STIM1: variants seen among roughly 807,000 people sequenced by gnomAD.
The protein encoded by STIM1 is stromal interaction molecule 1.
STIM1 carries 25 observed loss-of-function variants against 74.7 expected under a neutral mutation model. The observed-to-expected ratio is 0.33, with a 90% CI of 0.24 to 0.47. The LOEUF is 0.47. Among genes scored for constraint, STIM1 ranks in the 20% least tolerant of loss-of-function variants. STIM1 has a pLI of 1.00. For synonymous variants in STIM1, 328 were observed against 348.8 expected (o/e 0.94, Z 0.66); for missense variants, 728 against 920.8 (o/e 0.79, Z 2.71).
chr11:3,895,641 T>C (rs1241949446), intron 1 of STIM1, among the ~76,000 whole-genome samples: 1 of 8,258 alleles, frequency 1.2e-4, no homozygotes, highest in East Asian at 5.4e-3. Flanking sequence ...TTTCTTTCTT[T>C]CTTTCTTTCT....
At position 3,892,295 on chromosome 11, in the gene STIM1, G is replaced by C. The variant is rs183703547; in HGVS notation, c.139+35886G>C. On this transcript the variant is annotated intron_variant, in intron 1 of 12. Coordinates refer to ENST00000526596, the MANE Select transcript of STIM1 (RefSeq NM_001382567.1). ...AAGGGAACTGCAGCAAGAGCACAAA[G>C]ATTCAAGGATACTGCGAGCAAATGG... The C allele has an allele frequency of 9.4e-6, 7 of 748,168 alleles. No homozygotes were observed. In the East Asian group the frequency reaches 1.7e-4, roughly 18 times the overall value. The allele number at this position is 748,168 out of a possible 1,614,324, so 46.3% of individuals were successfully genotyped here.
At chr11:3,969,837 G>A (rs889216000) in intron 2 of STIM1, among the ~76,000 whole-genome samples, 4 of 152,182 alleles carry the variant, frequency 2.6e-5, no homozygotes, top group Admixed American at 6.5e-5. Context: ...CAAAGACAAC[G>A]ACCATGATGT....
chr11:4,001,476 C>T (rs984816447), intron 2 of STIM1, among the ~76,000 whole-genome samples: 12 of 152,264 alleles, frequency 7.9e-5, no homozygotes, highest in African/African-American at 2.9e-4. Context: ...ATTTCATATC[C>T]AGCCAAACTA....
intron 1 of STIM1, among the ~76,000 whole-genome samples, chr11:3,915,126 T>C (rs959162427): frequency 6.6e-6 from 1 of 152,186 alleles, no homozygotes; most frequent in African/African-American, 2.4e-5. Flanking sequence ...GTTGTTGAGT[T>C]ATGAAAATTC....
rs1172930683 is a variant in STIM1, at chr11:4,023,920, C to T, written c.318C>T (p.Ser106=). ...LNYHDPTVKH[S]TFHGEDKLIS... is the part of the protein sequence containing the mutation. The stretch of plus-strand genomic sequence containing the variant: ...ACCATGACCCAACAGTGAAACACAG[C>T]ACCTTCCATGGTGAGGATAAGCTCA... The change falls in exon 3 of 13, where the codon AGC becomes AGT. Residue 106 remains serine (S), a synonymous_variant. Transcript: ENST00000526596. The T allele has an allele frequency of 4.3e-6, 7 of 1,613,934 alleles. No homozygotes were observed. The highest frequency in any genetic ancestry group is 5.9e-6 in the Non-Finnish European group (7 of 1,179,982).
intron 7 of STIM1, among the ~76,000 whole-genome samples, chr11:4,078,297 T>G (rs1293836355): frequency 6.6e-6 from 1 of 152,188 alleles, no homozygotes; most frequent in Non-Finnish European, 1.5e-5. Flanking sequence ...TCCCTGACTT[T>G]TAAATGGAAA....
chr11:4,026,724 A>AC (rs2094000809), intron 3 of STIM1, among the ~76,000 whole-genome samples: 1 of 152,246 alleles, frequency 6.6e-6, no homozygotes, highest in Non-Finnish European at 1.5e-5. Context: ...AATCAGGACC[A>AC]GCCAAAAGAA....
At chr11:3,932,652 ACT>A (rs1483038851) in intron 1 of STIM1, among the ~76,000 whole-genome samples, 11 of 142,590 alleles carry the variant, frequency 7.7e-5, no homozygotes, top group Non-Finnish European at 1.5e-4. Context: ...AGAGTGCAAG[ACT>A]CTGTCTCAAA....
chr11:4,039,266 T>G (rs1268000168), intron 3 of STIM1, among the ~76,000 whole-genome samples: 2 of 152,096 alleles, frequency 1.3e-5, no homozygotes, highest in Non-Finnish European at 1.5e-5. Flanking sequence ...TACTTCAGCC[T>G]GGGTGACAGA....
At chr11:3,854,932 C>G (rs917493219), upstream of STIM1, 1 of 152,382 alleles carries the variant, frequency 6.6e-6, no homozygotes, top group Non-Finnish European at 1.5e-5. Flanking sequence ...CTCGCAGGCC[C>G]CAGTGGCCCT....
intron 1 of STIM1, among the ~76,000 whole-genome samples, chr11:3,924,299 C>T (rs1048933709): frequency 1.1e-4 from 16 of 150,784 alleles, no homozygotes; most frequent in African/African-American, 3.7e-4. Flanking sequence ...CCCGGGTTCA[C>T]ACCATTCTCC....
At chr11:4,085,145 C>A (rs7109811) in intron 11 of STIM1, among the ~76,000 whole-genome samples, 1 of 150,608 alleles carries the variant, frequency 6.6e-6, no homozygotes, top group African/African-American at 2.5e-5. Flanking sequence ...CCCCTTCCCC[C>A]CCCTATTCCA....
chr11:3,864,840 T>C (rs4243965), intron 1 of STIM1, among the ~76,000 whole-genome samples: 145,146 of 152,296 alleles, frequency 0.95, 69,185 homozygotes, highest in African/African-American at 0.98. Flanking sequence ...CCTTTGCTTA[T>C]GACCTAGAGT....
At chr11:3,894,832 G>A (rs185367480) in intron 1 of STIM1, among the ~76,000 whole-genome samples, 32 of 152,026 alleles carry the variant, frequency 2.1e-4, no homozygotes, top group African/African-American at 4.8e-4. Context: ...TCCGCCTTCC[G>A]GGTTCAAGCA....
intron 1 of STIM1, among the ~76,000 whole-genome samples, chr11:3,931,230 G>A (rs1488703725): frequency 1.3e-5 from 2 of 152,174 alleles, no homozygotes; most frequent in Non-Finnish European, 1.5e-5. Flanking sequence ...GAAAGGTAAT[G>A]CTAGGCAGCT....
chr11:3,967,082 A>G (rs1035413953), intron 1 of STIM1, among the ~76,000 whole-genome samples: 2 of 152,254 alleles, frequency 1.3e-5, no homozygotes, highest in African/African-American at 4.8e-5. Flanking sequence ...AAAATTACAC[A>G]TCATTTGGGC....
intron 1 of STIM1, among the ~76,000 whole-genome samples, chr11:3,946,907 C>G (rs1028687747): frequency 6.6e-6 from 1 of 152,100 alleles, no homozygotes; most frequent in Non-Finnish European, 1.5e-5. Flanking sequence ...GTGTCTCAGG[C>G]TGTCATCATT....
Position 3,856,127 on chromosome 11 carries a change from G to T in STIM1, c.-144G>T. The T allele has an allele frequency of 9.3e-7, 1 of 1,073,998 alleles. No homozygotes were observed. Among genetic ancestry groups the T allele is most frequent in the South Asian group, 1.3e-5 (1 of 75,134 alleles). The allele number at this position is 1,073,998 out of a possible 1,614,324, so 66.5% of individuals were successfully genotyped here. ...CACTTGACCTTTGGCTGTTGGAGGG[G>T]GCAGGCTCGCGGGTGGCTGGACAGC... On this transcript the variant is annotated 5_prime_UTR_variant, in exon 1 of 13. Coordinates refer to ENST00000526596, the MANE Select transcript of STIM1 (RefSeq NM_001382567.1).
At chr11:3,896,475 A>G (rs2092179961) in intron 1 of STIM1, among the ~76,000 whole-genome samples, 1 of 152,188 alleles carries the variant, frequency 6.6e-6, no homozygotes, top group Admixed American at 6.5e-5. Context: ...TCATTATACT[A>G]TATTCCTCGA....
Sources: gnomAD v4.1 joint callset for allele counts (sites outside exome capture counted in the v4.1 genomes callset) on GRCh38, gnomAD v4.1.1 for gene constraint, MANE v1.5 for transcripts, NCBI Gene and HGNC (gene_info 2026-07-23, HGNC 2026-07-21) for gene names.